Variants in ST3GAL2 observed in about 807,000 individuals in gnomAD.
ST3GAL2 encodes the protein CMP-N-acetylneuraminate-beta-galactosamide-alpha-2,3-sialyltransferase 2.
In ST3GAL2, 16 loss-of-function variants were observed where a neutral mutation model predicts 37.5. That is an observed-to-expected ratio of 0.43 (90% CI 0.29 to 0.65). ST3GAL2 has a LOEUF of 0.65. Among genes scored for constraint, ST3GAL2 ranks in the 30% least tolerant of loss-of-function variants. The pLI is 0.17. For missense variants in ST3GAL2, 383 were observed against 487.8 expected (o/e 0.79, Z 2.02); for synonymous variants, 238 against 202.9 (o/e 1.17, Z -1.47).
In ST3GAL2 at chr16:70,381,699, C is replaced by G. The variant is rs573917099; in HGVS notation, c.1043G>C (p.Arg348Pro). 1.2e-6 allele frequency: 2 copies of G among 1,613,622 alleles called. No homozygotes were observed. Among genetic ancestry groups the G allele is most frequent in the African/African-American group, 1.3e-5 (1 of 75,058 alleles). Residue 348 changes from arginine to proline, a missense_variant, in exon 7 of 7, where the codon CGG becomes CCG. Coordinates refer to ENST00000342907, the MANE Select transcript of ST3GAL2 (RefSeq NM_006927.4). ...GCGGCGAGGCCCGGCTCAGTTGCCC[C>G]GGTAGACTTCGATCTTGCTGGCCTT... The part of the protein sequence containing the change: ...LAKASKIEVY[R>P]GN
intron 4 of ST3GAL2, among the ~76,000 whole-genome samples, chr16:70,384,429 G>A (rs1287131265): frequency 4.6e-5 from 7 of 152,320 alleles, no homozygotes; most frequent in Non-Finnish European, 7.3e-5. Context: ...AATCAGGGCC[G>A]GGTGCGGTGG....
At chr16:70,435,333 C>T (rs545836907) in intron 1 of ST3GAL2, among the ~76,000 whole-genome samples, 21 of 152,266 alleles carry the variant, frequency 1.4e-4, no homozygotes, top group African/African-American at 3.4e-4. Flanking sequence ...CAGTGGTTCA[C>T]GCCTGTAATC....
chr16:70,390,789 A>G (rs944163826), intron 3 of ST3GAL2, among the ~76,000 whole-genome samples: 7 of 152,208 alleles, frequency 4.6e-5, no homozygotes, highest in Admixed American at 4.6e-4. Flanking sequence ...AGACAAGTAA[A>G]AACCAAAGCT....
At position 70,398,344 on chromosome 16, in the gene ST3GAL2, C is replaced by T. The variant is rs771510068; in HGVS notation, c.187G>A (p.Glu63Lys). 2 of 1,613,530 alleles carry T rather than the reference C, an allele frequency of 1.2e-6. No individual in the cohort carries two copies. The highest frequency in any genetic ancestry group is 1.7e-6 in the Non-Finnish European group (2 of 1,180,038). The change falls in exon 2 of 7, where the codon GAG becomes AAG. Residue 63 changes from glutamate (E) to lysine (K), a missense_variant. Around this residue, in one of 2 missense-constraint regions of ST3GAL2, gnomAD observed 223 missense variants for 239.1 expected, o/e 0.93. Coordinates refer to ENST00000342907, the MANE Select transcript of ST3GAL2 (RefSeq NM_006927.4). Reference sequence around the variant, plus strand: ...GCACAGCTCTTGCCCGAGAGCCTCTCCTTGCTGAGGCGCTGCAGGCCGGCA... The same window carrying T: ...GCACAGCTCTTGCCCGAGAGCCTCTTCTTGCTGAGGCGCTGCAGGCCGGCA... ...GYAGLQRLSK[E>K]RLSGKSCACR...
chr16:70,434,402 A>G (rs1187767196), intron 1 of ST3GAL2, among the ~76,000 whole-genome samples: 3 of 151,750 alleles, frequency 2.0e-5, no homozygotes. Flanking sequence ...ACACCACTGT[A>G]CTCCAGCCTG....
At chr16:70,438,209 G>A (rs900347473) in intron 1 of ST3GAL2, among the ~76,000 whole-genome samples, 1 of 152,240 alleles carries the variant, frequency 6.6e-6, no homozygotes, top group African/African-American at 2.4e-5. Flanking sequence ...AGGAAGCTAA[G>A]GGGAGACTCA....
In ST3GAL2 at chr16:70,405,798, C is replaced by T. The variant is rs558738708; in HGVS notation, c.-1003-6265G>A. 4.8e-3 allele frequency among the ~76,000 whole-genome samples: 737 copies of T among 152,064 alleles called. 2 individuals carry two copies. Among genetic ancestry groups the T allele is most frequent in the Non-Finnish European group, 6.9e-3 (471 of 67,992 alleles). On this transcript the variant is annotated intron_variant, in intron 1 of 6. Coordinates refer to ENST00000342907, the MANE Select transcript of ST3GAL2 (RefSeq NM_006927.4). ...ACTGACAGCCAGGCGCGGTGGCTCA[C>T]GCCTGTAATCCCAGCACTTTGGGAG...
intron 1 of ST3GAL2, among the ~76,000 whole-genome samples, chr16:70,407,922 C>A (rs777061976): frequency 2.6e-5 from 4 of 152,056 alleles, no homozygotes; most frequent in Non-Finnish European, 4.4e-5. Context: ...AGAAAAGAAA[C>A]GTCAAAATAA....
chr16:70,414,671 G>T (rs2047662746), intron 1 of ST3GAL2, among the ~76,000 whole-genome samples: 1 of 151,844 alleles, frequency 6.6e-6, no homozygotes, highest in African/African-American at 2.4e-5. Flanking sequence ...TCCAGGCCAA[G>T]ATTCTGTTTG....
Position 70,381,592 on chromosome 16 carries a change from G to A in ST3GAL2, c.*97C>T, listed in dbSNP as rs1429681583. The A allele has an allele frequency of 6.2e-6, 9 of 1,452,932 alleles. No individual in the cohort carries two copies. Among genetic ancestry groups the A allele is most frequent in the South Asian group, 1.3e-5 (1 of 76,736 alleles). The allele number at this position is 1,452,932 out of a possible 1,614,324, so 90.0% of individuals were successfully genotyped here. ...GGCGGGGCACAGCAGACGCCCCTGG[G>A]CTGCAGCATGATTGGTCGCGGGTTG... On this transcript the variant is annotated 3_prime_UTR_variant, in exon 7 of 7. Coordinates refer to ENST00000342907, the MANE Select transcript of ST3GAL2 (RefSeq NM_006927.4).
Position 70,380,443 on chromosome 16 carries a change from C to T in ST3GAL2, c.*1246G>A, listed in dbSNP as rs2047390977. The T allele has an allele frequency of 6.6e-6, 1 of 152,306 alleles. No homozygotes were observed. The highest frequency in any genetic ancestry group is 2.4e-5 in the African/African-American group (1 of 41,466). 9.4% of individuals were successfully genotyped at this position (152,306 alleles called of 1,614,324 possible). ...CCTTCCCCCTCCTAAACCTCCCCAG[C>T]TTCGAAGGGGGAGAATTCCACCAGC... On this transcript the variant is annotated 3_prime_UTR_variant, in exon 7 of 7. Transcript: ENST00000342907.
chr16:70,390,058 T>A (rs954573125), intron 3 of ST3GAL2, among the ~76,000 whole-genome samples: 9 of 152,044 alleles, frequency 5.9e-5, no homozygotes, highest in Non-Finnish European at 1.3e-4. Flanking sequence ...AGTGCTGGGA[T>A]TACAGGCGTG....
chr16:70,404,902 G>T (rs1387399459), intron 1 of ST3GAL2, among the ~76,000 whole-genome samples: 1 of 151,990 alleles, frequency 6.6e-6, no homozygotes, highest in Non-Finnish European at 1.5e-5. Context: ...CATGGCTGGC[G>T]TGCGCCTGTA....
At chr16:70,435,296 A>T (rs1410958586) in intron 1 of ST3GAL2, among the ~76,000 whole-genome samples, 1 of 152,152 alleles carries the variant, frequency 6.6e-6, no homozygotes, top group Non-Finnish European at 1.5e-5. Flanking sequence ...AGTCCCTCTT[A>T]AGACTTTACA....
chr16:70,383,112 C>T, intron 5 of ST3GAL2, 78 bp downstream of exon 5: 1 of 1,593,496 alleles, frequency 6.3e-7, no homozygotes, highest in Non-Finnish European at 8.6e-7. Context: ...GGAAATGGAA[C>T]ACCTGAGCTA....
In ST3GAL2 at chr16:70,377,178, T is replaced by TAAAAAAAAAAAAAAAAA. The variant is rs34454921; in HGVS notation, c.*4494_*4510dup. The TAAAAAAAAAAAAAAAAA allele has an allele frequency of 1.2e-5, 1 of 85,494 alleles. No individual in the cohort carries two copies. Among genetic ancestry groups the TAAAAAAAAAAAAAAAAA allele is most frequent in the African/African-American group, 6.1e-5 (1 of 16,262 alleles). The allele number at this position is 85,494 out of a possible 1,614,324, so 5.3% of individuals were successfully genotyped here. A position where few individuals can be genotyped will look rare whatever the true frequency, so the allele number is the denominator to read the frequency against. On this transcript the variant is annotated 3_prime_UTR_variant, in exon 7 of 7. Transcript: ENST00000342907. The stretch of plus-strand genomic sequence containing the variant: ...CTGGGCGACAGGAGACCCTGTCTCT[T>TAAAAAAAAAAAAAAAAA]AAAAAAAAAAAAAAAAAAAAAAAAA...
chr16:70,411,397 A>G (rs75869633), intron 1 of ST3GAL2, among the ~76,000 whole-genome samples: 1 of 151,044 alleles, frequency 6.6e-6, no homozygotes, highest in Non-Finnish European at 1.5e-5. Flanking sequence ...AAAAAAAAAA[A>G]GCAGCAGCAG....
At position 70,381,519 on chromosome 16, in the gene ST3GAL2, G is replaced by C. The variant is rs2047404345; in HGVS notation, c.*170C>G. ...GGAGAAACAGAAGCTCCGCCCGACCGCAGCGCAGATTGGTGCCAGGCCCGG... is the reference window on the plus strand; with the variant it reads ...GGAGAAACAGAAGCTCCGCCCGACCCCAGCGCAGATTGGTGCCAGGCCCGG... On this transcript the variant is annotated 3_prime_UTR_variant, in exon 7 of 7. Transcript: ENST00000342907. The C allele has an allele frequency of 1.9e-5, 14 of 748,092 alleles. No individual in the cohort carries two copies. In the East Asian group the frequency reaches 3.6e-4, roughly 19 times the overall value. The allele number at this position is 748,092 out of a possible 1,614,324, so 46.3% of individuals were successfully genotyped here. A position where few individuals can be genotyped will look rare whatever the true frequency, so the allele number is the denominator to read the frequency against.
chr16:70,418,270 T>C (rs540907137), intron 1 of ST3GAL2, among the ~76,000 whole-genome samples: 1 of 152,318 alleles, frequency 6.6e-6, no homozygotes, highest in African/African-American at 2.4e-5. Context: ...AGCTTCCTGC[T>C]CTGTCAAGGA....
Sources: gnomAD v4.1 joint callset for allele counts (sites outside exome capture counted in the v4.1 genomes callset) on GRCh38, gnomAD v4.1.1 for gene constraint, gnomAD v4.1.1 regional missense constraint, MANE v1.5 for transcripts, NCBI Gene and HGNC (gene_info 2026-07-23, HGNC 2026-07-21) for gene names.